The following SYTL2 variants were observed in gnomAD, a reference collection of about 807,000 sequenced individuals.
SYTL2 encodes the protein synaptotagmin-like protein 2.
SYTL2 carries 165 observed loss-of-function variants against 198.7 expected under a neutral mutation model. The observed-to-expected ratio is 0.83, with a 90% CI of 0.73 to 0.94. The LOEUF is 0.94. Ranked by LOEUF, SYTL2 falls within the 40% of genes least tolerant of loss-of-function variation. SYTL2 has a pLI of 0.00. For missense variants in SYTL2, 2,835 were observed against 2,582.8 expected, an observed-to-expected ratio of 1.10 and a Z score of -2.12; for synonymous variants, 966 against 917.7, an observed-to-expected ratio of 1.05 and a Z score of -0.95.
intron 1 of SYTL2, among the ~76,000 whole-genome samples, chr11:85,808,596 T>G (rs2092991361): frequency 6.6e-6 from 1 of 152,164 alleles, no homozygotes. Flanking sequence ...GTCCTACTTC[T>G]CCATCTGGGT....
chr11:85,848,356 GTTTT>G, the SYTL2 span, among the ~76,000 whole-genome samples: 1 of 151,028 alleles, frequency 6.6e-6, no homozygotes, highest in African/African-American at 2.4e-5. Flanking sequence ...TTTGAATCAT[GTTTT>G]TTGTGTCCTA....
Position 85,727,904 on chromosome 11 carries a change from C to G in SYTL2, c.1454G>C (p.Arg485Pro). ...GAGAGGAGGGGGCTTACCTTGCTGA[C>G]GGTCTCTAGAACTGCCACCTGGCAC... The part of the protein sequence containing the change: ...SQVPGGSSRD[R>P]QQGKPPPLPA... The change falls in exon 8 of 20, where the codon CGT becomes CCT. Residue 485 changes from arginine (R) to proline (P), a missense_variant. By Grantham distance (103) the Arg-to-Pro change is moderately radical (BLOSUM62 -2). This residue lies in a region of SYTL2 where 2,645 missense variants were observed against 2,381.7 expected (regional missense o/e 1.11). Transcript: ENST00000359152. The G allele has an allele frequency of 6.2e-7, 1 of 1,613,752 alleles. No homozygotes were observed. The highest frequency in any genetic ancestry group is 2.2e-5 in the East Asian group (1 of 44,864).
At chr11:85,767,398 C>T (rs2092264445) in intron 1 of SYTL2, among the ~76,000 whole-genome samples, 1 of 152,120 alleles carries the variant, frequency 6.6e-6, no homozygotes. Flanking sequence ...CTGATAACAG[C>T]CCAAATTACA....
At chr11:85,713,650 C>A (rs545402365) in intron 12 of SYTL2, among the ~76,000 whole-genome samples, 2 of 152,154 alleles carry the variant, frequency 1.3e-5, no homozygotes, top group African/African-American at 4.8e-5. Flanking sequence ...AACCTCTCTG[C>A]GGCTCTTTCT....
Position 85,714,618 on chromosome 11 carries a change from A to G in SYTL2, c.5531-111T>C, listed in dbSNP as rs954741398. 86 of 1,466,454 alleles carry G rather than the reference A, an allele frequency of 5.9e-5. No homozygotes were observed. The South Asian group carries it at 1.0e-3, about 17-fold the overall frequency. The allele number at this position is 1,466,454 out of a possible 1,614,324, so 90.8% of individuals were successfully genotyped here. A position where few individuals can be genotyped will look rare whatever the true frequency, so the allele number is the denominator to read the frequency against. ...ATCTATGAACAAACATGTTTTTGTA[A>G]AAAAGTTAAAGGCAGAGTAGTCCAC... On this transcript the variant is annotated intron_variant, in intron 11 of 19. Coordinates refer to ENST00000359152, the MANE Select transcript of SYTL2 (RefSeq NM_206927.4).
intron 15 of SYTL2, 189 bp from the exon 16 acceptor site, chr11:85,705,217 T>C: frequency 2.1e-6 from 1 of 469,246 alleles, no homozygotes. Context: ...CCATCTTTCA[T>C]AAAAGCTGAT....
the SYTL2 span, among the ~76,000 whole-genome samples, chr11:85,830,773 A>C: frequency 6.6e-6 from 1 of 152,194 alleles, no homozygotes; most frequent in African/African-American, 2.4e-5. Context: ...GATGGACCCC[A>C]GTTTCCTGCA....
At chr11:85,833,309 C>CAT in the SYTL2 span, among the ~76,000 whole-genome samples, 1 of 146,752 alleles carries the variant, frequency 6.8e-6, no homozygotes, top group Non-Finnish European at 1.5e-5. Context: ...TCATATATAT[C>CAT]ATATATATAC....
the SYTL2 span, among the ~76,000 whole-genome samples, chr11:85,851,786 T>C: frequency 4.8e-4 from 73 of 152,352 alleles, no homozygotes; most frequent in African/African-American, 1.2e-3. Context: ...GAATCACAAA[T>C]TGCTTTTCTA....
At chr11:85,819,792 C>T in the SYTL2 span, among the ~76,000 whole-genome samples, 2 of 152,226 alleles carry the variant, frequency 1.3e-5, no homozygotes, top group Non-Finnish European at 1.5e-5. Context: ...TAACATAAAT[C>T]ATTCCATCTT....
At chr11:85,743,500 CT>C (rs1316747282) in intron 4 of SYTL2, among the ~76,000 whole-genome samples, 1 of 152,158 alleles carries the variant, frequency 6.6e-6, no homozygotes, top group African/African-American at 2.4e-5. Context: ...AATTTTCTTT[CT>C]TCCTGAGAAA....
Position 85,725,907 on chromosome 11 carries a change from A to C in SYTL2, c.3451T>G (p.Ser1151Ala). Residue 1151 changes from serine (S) to alanine (A), a missense_variant, in exon 8 of 20, where the codon TCT (serine) becomes GCT (alanine). Ser to Ala is a moderately conservative substitution (Grantham distance 99). Transcript: ENST00000359152. ...SETSTPAIQP[S>A]GGKVHGKQVL... ...TGTTTTCCATGAACTTTTCCACCAG[A>C]GGGTTGAATTGCTGGTGTTGAGGTT... is the stretch of plus-strand genomic sequence containing the variant. 3 of 1,613,958 alleles carry C rather than the reference A, an allele frequency of 1.9e-6. No homozygotes were observed. The highest frequency in any genetic ancestry group is 2.5e-6 in the Non-Finnish European group (3 of 1,179,954).
chr11:85,705,186 CT>C (rs1351909340), intron 15 of SYTL2, 158 bp from the exon 16 acceptor site: 9 of 523,876 alleles, frequency 1.7e-5, no homozygotes, highest in Admixed American at 6.6e-5. Flanking sequence ...TTCTAAGCAT[CT>C]TGTTTCAAAG....
At chr11:85,776,641 G>A (rs1489160712) in intron 1 of SYTL2, among the ~76,000 whole-genome samples, 2 of 152,136 alleles carry the variant, frequency 1.3e-5, no homozygotes, top group African/African-American at 4.8e-5. Context: ...TCTTAATCCA[G>A]TCTATCACTG....
At chr11:85,833,225 A>C in the SYTL2 span, among the ~76,000 whole-genome samples, 1 of 149,976 alleles carries the variant, frequency 6.7e-6, no homozygotes, top group Non-Finnish European at 1.5e-5. Flanking sequence ...CTTTAAAAAA[A>C]TTATATCATA....
chr11:85,790,064 G>A (rs533423985), intron 1 of SYTL2, among the ~76,000 whole-genome samples: 32 of 152,000 alleles, frequency 2.1e-4, no homozygotes, highest in Admixed American at 7.2e-4. Flanking sequence ...ACCCAGATTC[G>A]TTTGTCTCAT....
the SYTL2 span, among the ~76,000 whole-genome samples, chr11:85,841,258 G>A: frequency 8.4e-4 from 128 of 152,348 alleles, no homozygotes; most frequent in Admixed American, 1.5e-3. Flanking sequence ...AGAAGACAGT[G>A]TGGCAATTCC....
the SYTL2 span, among the ~76,000 whole-genome samples, chr11:85,818,117 A>G: frequency 6.6e-6 from 1 of 151,842 alleles, no homozygotes; most frequent in Non-Finnish European, 1.5e-5. Context: ...TGGTCAGACT[A>G]GTCTTGAACT....
rs746348575 is a variant in SYTL2, at chr11:85,734,627, T to C, written c.702A>G (p.Pro234=). 1.2e-6 allele frequency: 2 copies of C among 1,614,184 alleles called. No individual in the cohort carries two copies. The highest frequency in any genetic ancestry group is 2.2e-5 in the South Asian group (2 of 91,082). Residue 234 remains proline (P), a synonymous_variant, in exon 7 of 20, where the codon CCA becomes CCG. Transcript: ENST00000359152. Reference sequence around the variant, plus strand: ...AGATCATCTTCCTGGCTTTGGGGATTGGAGCCTTGATTTGGGACCCATTTG... The same window carrying C: ...AGATCATCTTCCTGGCTTTGGGGATCGGAGCCTTGATTTGGGACCCATTTG... The part of the protein sequence containing the change: ...GLSNGSQIKA[P]IPKARKMIYK...
Sources: gnomAD v4.1 joint callset for allele counts (sites outside exome capture counted in the v4.1 genomes callset) on GRCh38, gnomAD v4.1.1 for gene constraint, gnomAD v4.1.1 regional missense constraint, MANE v1.5 for transcripts, NCBI Gene and HGNC (gene_info 2026-07-23, HGNC 2026-07-21) for gene names.